The following KDM2B variants were observed in gnomAD, a reference collection of about 807,000 sequenced individuals.
KDM2B encodes the protein lysine-specific demethylase 2B.
In KDM2B, 26 loss-of-function variants were observed where a neutral mutation model predicts 150.0. That is an observed-to-expected ratio of 0.17 (90% CI 0.13 to 0.24). The LOEUF (loss-of-function observed/expected upper bound fraction) is 0.24. Ranked by LOEUF, KDM2B falls within the 10% of genes least tolerant of loss-of-function variation. KDM2B has a pLI of 1.00. For missense variants in KDM2B, 1,265 were observed against 1,816.9 expected (o/e 0.70, Z 5.52); for synonymous variants, 734 against 729.5 (o/e 1.01, Z -0.10).
chr12:121,524,078 T>C (rs1040190366), intron 8 of KDM2B, among the ~76,000 whole-genome samples: 12 of 152,010 alleles, frequency 7.9e-5, no homozygotes, highest in East Asian at 7.8e-4. Flanking sequence ...TTTCCTAAGA[T>C]TGGGACCCGG....
chr12:121,555,632 C>CA (rs1332494876), intron 4 of KDM2B, among the ~76,000 whole-genome samples: 2 of 152,164 alleles, frequency 1.3e-5, no homozygotes, highest in African/African-American at 2.4e-5. Context: ...CTAGGCCTCC[C>CA]AAAATGTCTG....
chr12:121,434,174 G>GTCAT (rs151226148), intron 22 of KDM2B, among the ~76,000 whole-genome samples: 2,357 of 151,924 alleles, frequency 0.016, 48 homozygotes, highest in East Asian at 0.12. Context: ...AGTAAGCCCC[G>GTCAT]TCATTCATTC....
chr12:121,423,749 C>T, the KDM2B span: 9 of 619,950 alleles, frequency 1.5e-5, no homozygotes, highest in Non-Finnish European at 2.5e-5. This position sits in a 1 kb window ranked among gnomAD's most constrained non-coding sequence, Gnocchi z 4.3. Flanking sequence ...TGGTCCATGC[C>T]GTGAGCCTGT....
At chr12:121,509,098 G>A (rs1026187279) in intron 11 of KDM2B, among the ~76,000 whole-genome samples, 6 of 152,192 alleles carry the variant, frequency 3.9e-5, no homozygotes, top group Admixed American at 3.3e-4. Context: ...TTGCTCTGTT[G>A]CCCAGGCTGG....
intron 9 of KDM2B, chr12:121,516,656 G>A (rs1594023494): frequency 1.4e-6 from 1 of 706,830 alleles, no homozygotes; most frequent in Non-Finnish European, 2.3e-6. Context: ...CAGCCTGCAG[G>A]TCATCCGTCT....
chr12:121,573,126 A>AGT (rs1891237656), intron 4 of KDM2B, among the ~76,000 whole-genome samples: 1 of 134,418 alleles, frequency 7.4e-6, no homozygotes, highest in African/African-American at 2.8e-5. Context: ...GCCCGGCCTA[A>AGT]TTTTTTTTTT....
intron 4 of KDM2B, among the ~76,000 whole-genome samples, chr12:121,562,145 G>C (rs1890384982): frequency 6.6e-6 from 1 of 151,048 alleles, no homozygotes; most frequent in African/African-American, 2.4e-5. Context: ...ACTCCAACAT[G>C]GGTGACTTTT....
In KDM2B at chr12:121,521,596, C is replaced by T. The variant is rs569001106; in HGVS notation, c.932-496G>A. Among the ~76,000 whole-genome samples, 102 of 152,322 alleles carry T rather than the reference C, an allele frequency of 6.7e-4. No individual in the cohort carries two copies. Among genetic ancestry groups the T allele is most frequent in the African/African-American group, 2.4e-3 (98 of 41,564 alleles). ...GCTGCAGGACCCAAGCACTTTCCTC[C>T]GCCCAAGTCCATCTTCTTGTCATCA... On this transcript the variant is annotated intron_variant, in intron 8 of 22. Transcript: ENST00000377071. The surrounding 1 kb of genome is among the most constrained non-coding windows in gnomAD (Gnocchi z 4.9).
intron 11 of KDM2B, among the ~76,000 whole-genome samples, chr12:121,509,143 C>T (rs954992435): frequency 9.2e-5 from 14 of 152,194 alleles, no homozygotes; most frequent in African/African-American, 3.4e-4. Flanking sequence ...ACTGCAACCT[C>T]CACCTCCCAG....
chr12:121,524,638 G>C, intron 8 of KDM2B: 1 of 443,584 alleles, frequency 2.3e-6, no homozygotes, highest in South Asian at 1.6e-5. Context: ...GTAAGAAGGA[G>C]GTGTGGAAAT....
intron 12 of KDM2B, among the ~76,000 whole-genome samples, chr12:121,490,780 C>T (rs1213248002): frequency 6.6e-6 from 1 of 152,094 alleles, no homozygotes; most frequent in African/African-American, 2.4e-5. Context: ...TGAAGGACAC[C>T]GCATCAGAAA....
At chr12:121,516,039 T>C (rs546459146) in intron 9 of KDM2B, among the ~76,000 whole-genome samples, 1 of 152,236 alleles carries the variant, frequency 6.6e-6, no homozygotes, top group South Asian at 2.1e-4. Flanking sequence ...TGATTTCCTA[T>C]GAAGAAGGGT....
intron 12 of KDM2B, among the ~76,000 whole-genome samples, chr12:121,493,060 T>TTTTTTGC (rs1883531226): frequency 1.2e-5 from 1 of 82,218 alleles, no homozygotes; most frequent in Non-Finnish European, 2.2e-5. Context: ...CATGCCTGGC[T>TTTTTTGC]TTTTTTTTTT....
At chr12:121,546,134 T>C (rs1889019842) in intron 6 of KDM2B, among the ~76,000 whole-genome samples, 1 of 152,178 alleles carries the variant, frequency 6.6e-6, no homozygotes, top group Non-Finnish European at 1.5e-5. Context: ...ACACTGTGTA[T>C]GCTCCAGGAG....
rs1891785753 is a variant in KDM2B at position 121,579,576 on chromosome 12, C to T, written c.127-630G>A. The T allele has an allele frequency of 2.3e-6, 3 of 1,299,840 alleles. No individual in the cohort carries two copies. The South Asian group carries it at 3.7e-5, about 16-fold the overall frequency. The allele number at this position is 1,299,840 out of a possible 1,614,324, so 80.5% of individuals were successfully genotyped here. A position where few individuals can be genotyped will look rare whatever the true frequency, so the allele number is the denominator to read the frequency against. Reference sequence around the variant, plus strand: ...TTGGAAGGGGGAGAGGCAGACGGCCCGCCACAAAGCTCGGATCGGAGACCC... The same window carrying T: ...TTGGAAGGGGGAGAGGCAGACGGCCTGCCACAAAGCTCGGATCGGAGACCC... On this transcript the variant is annotated intron_variant, in intron 1 of 22. Transcript: ENST00000377071.
chr12:121,439,379 AC>A (rs1413631893), intron 22 of KDM2B, among the ~76,000 whole-genome samples: 7 of 138,230 alleles, frequency 5.1e-5, no homozygotes, highest in African/African-American at 1.8e-4. Context: ...TCCAATGGTA[AC>A]TTTTTTTTTT....
chr12:121,442,245 G>C lies in KDM2B; in HGVS notation c.3196C>G (p.His1066Asp), dbSNP rs1555288505. ...PLDDGAAHVMHREVWMAVFSY... is the reference protein window; with the variant it reads ...PLDDGAAHVMDREVWMAVFSY... The stretch of plus-strand genomic sequence containing the variant: ...AAGACGGCCATCCACACCTCCCTGT[G>C]CATGACGTGGGCTGCCCCATCGTCC... The change falls in exon 19 of 23, where the codon CAC becomes GAC. Residue 1066 changes from histidine (H) to aspartate (D), a missense_variant. Transcript: ENST00000377071. The surrounding 1 kb of genome is among the most constrained non-coding windows in gnomAD (Gnocchi z 7.7). 2 of 1,613,214 alleles carry C rather than the reference G, an allele frequency of 1.2e-6. No homozygotes were observed. Among genetic ancestry groups the C allele is most frequent in the Non-Finnish European group, 1.7e-6 (2 of 1,179,914 alleles).
chr12:121,539,431 G>A (rs1888427662), intron 6 of KDM2B, among the ~76,000 whole-genome samples: 1 of 150,196 alleles, frequency 6.7e-6, no homozygotes, highest in Admixed American at 6.7e-5. Flanking sequence ...ATCCACATAA[G>A]AGAATTGTAT....
chr12:121,479,066 A>C (rs1555297354), intron 12 of KDM2B, among the ~76,000 whole-genome samples: 1 of 151,936 alleles, frequency 6.6e-6, no homozygotes, highest in Admixed American at 6.6e-5. Context: ...CAATTTCTTT[A>C]ATCTTTAAAA....
Sources: gnomAD v4.1 joint callset for allele counts (sites outside exome capture counted in the v4.1 genomes callset) on GRCh38, gnomAD v4.1.1 for gene constraint, Gnocchi (gnomAD v3.1) non-coding constraint, MANE v1.5 for transcripts, NCBI Gene and HGNC (gene_info 2026-07-23, HGNC 2026-07-21) for gene names.